QTMAN: variants seen among roughly 807,000 people sequenced by gnomAD.
QTMAN encodes the protein queuosine-tRNA mannosyltransferase.
At chr2:144,304,624 T>C in the QTMAN span, among the ~76,000 whole-genome samples, 2 of 152,232 alleles carry the variant, frequency 1.3e-5, no homozygotes, top group East Asian at 3.8e-4. Context: ...ATAATTATTT[T>C]AATAGAAACA....
the QTMAN span, among the ~76,000 whole-genome samples, chr2:144,124,219 A>G: frequency 8.5e-5 from 13 of 152,218 alleles, no homozygotes; most frequent in African/African-American, 2.6e-4. Context: ...CATACCAGTG[A>G]TCTCAGTCTC....
the QTMAN span, among the ~76,000 whole-genome samples, chr2:144,221,390 T>C: frequency 2.0e-5 from 3 of 152,184 alleles, no homozygotes; most frequent in Non-Finnish European, 4.4e-5. Flanking sequence ...GATCAAAAAA[T>C]ATAATGAATA....
chr2:144,066,793 G>C, the QTMAN span, among the ~76,000 whole-genome samples: 1 of 152,222 alleles, frequency 6.6e-6, no homozygotes, highest in Non-Finnish European at 1.5e-5. Flanking sequence ...TCCAGCCTAG[G>C]TGACTGCACA....
the QTMAN span, among the ~76,000 whole-genome samples, chr2:144,260,197 T>C: frequency 6.6e-6 from 1 of 152,152 alleles, no homozygotes; most frequent in African/African-American, 2.4e-5. Flanking sequence ...TTAATTACTG[T>C]AATTCTTTTA....
chr2:144,128,739 T>C, the QTMAN span, among the ~76,000 whole-genome samples: 14 of 152,162 alleles, frequency 9.2e-5, no homozygotes, highest in African/African-American at 3.1e-4. Context: ...TTTTATTTCA[T>C]AGATACCCTT....
chr2:144,326,969 CA>C, the QTMAN span, among the ~76,000 whole-genome samples: 1 of 152,104 alleles, frequency 6.6e-6, no homozygotes, highest in African/African-American at 2.4e-5. Flanking sequence ...TCATAACTAC[CA>C]CAGCCCTTGA....
At chr2:144,281,024 C>A in the QTMAN span, among the ~76,000 whole-genome samples, 2 of 151,472 alleles carry the variant, frequency 1.3e-5, no homozygotes, top group Non-Finnish European at 2.9e-5. Context: ...CGTCATTTAG[C>A]ATTAGGTATA....
At chr2:144,159,478 G>T in the QTMAN span, among the ~76,000 whole-genome samples, 2 of 152,004 alleles carry the variant, frequency 1.3e-5, no homozygotes, top group Admixed American at 6.6e-5. Context: ...TTCAAATATG[G>T]TTCACAAATG....
At chr2:144,051,207 G>GGTGT in the QTMAN span, among the ~76,000 whole-genome samples, 4 of 150,040 alleles carry the variant, frequency 2.7e-5, 1 homozygote, top group South Asian at 2.1e-4. Context: ...TAGTTTTTGG[G>GGTGT]GTGTGTGTGT....
chr2:144,083,207 G>A, the QTMAN span, among the ~76,000 whole-genome samples: 1 of 152,220 alleles, frequency 6.6e-6, no homozygotes, highest in African/African-American at 2.4e-5. Context: ...TTGCCTACTG[G>A]CTTGGTTAGA....
chr2:144,132,335 C>T, the QTMAN span, among the ~76,000 whole-genome samples: 4 of 151,990 alleles, frequency 2.6e-5, no homozygotes, highest in Non-Finnish European at 1.5e-5. Flanking sequence ...AGGGAATGAG[C>T]CACTCTGGCT....
chr2:143,962,768 T>C, the QTMAN span, among the ~76,000 whole-genome samples: 1 of 152,158 alleles, frequency 6.6e-6, no homozygotes, highest in Non-Finnish European at 1.5e-5. Context: ...AGAACAACTT[T>C]TGTCATTTGT....
the QTMAN span, among the ~76,000 whole-genome samples, chr2:144,127,185 T>C: frequency 6.6e-6 from 1 of 151,946 alleles, no homozygotes; most frequent in South Asian, 2.1e-4. Flanking sequence ...TACTCAAAGA[T>C]TACATATAAT....
chr2:144,074,227 A>C, the QTMAN span, among the ~76,000 whole-genome samples: 1 of 152,244 alleles, frequency 6.6e-6, no homozygotes, highest in Non-Finnish European at 1.5e-5. Context: ...AGGGTTGAGA[A>C]GGAGGGGTCA....
At chr2:144,011,800 A>T in the QTMAN span, 1 of 935,866 alleles carries the variant, frequency 1.1e-6, no homozygotes, top group Non-Finnish European at 1.3e-6. Context: ...CCCAGTTCCA[A>T]CTCTGGTGGA....
the QTMAN span, among the ~76,000 whole-genome samples, chr2:144,035,903 T>C: frequency 6.6e-6 from 1 of 152,150 alleles, no homozygotes; most frequent in Non-Finnish European, 1.5e-5. Flanking sequence ...TGCAAAGAAA[T>C]GGGCATTTGA....
the QTMAN span, among the ~76,000 whole-genome samples, chr2:144,095,496 T>C: frequency 6.6e-6 from 1 of 152,144 alleles, no homozygotes; most frequent in Non-Finnish European, 1.5e-5. Context: ...ATTGAGTGCC[T>C]AGCACCTGCC....
At chr2:144,010,092 T>C in the QTMAN span, among the ~76,000 whole-genome samples, 1 of 150,516 alleles carries the variant, frequency 6.6e-6, no homozygotes, top group Non-Finnish European at 1.5e-5. Context: ...AAAAAAAATC[T>C]ATGGGATTCA....
At chr2:144,099,776 T>C in the QTMAN span, among the ~76,000 whole-genome samples, 1 of 152,200 alleles carries the variant, frequency 6.6e-6, no homozygotes, top group Non-Finnish European at 1.5e-5. Flanking sequence ...TTAAGCTGCA[T>C]CTTATGATTC....
Sources: gnomAD v4.1 joint callset for allele counts (sites outside exome capture counted in the v4.1 genomes callset) on GRCh38, gnomAD v4.1.1 for gene constraint, MANE v1.5 for transcripts, NCBI Gene and HGNC (gene_info 2026-07-23, HGNC 2026-07-21) for gene names.